The following PNO1 variants were observed in gnomAD, a reference collection of about 807,000 sequenced individuals.
The protein encoded by PNO1 is RNA-binding protein PNO1.
Under a neutral mutation model 28.4 loss-of-function variants are expected in PNO1, and 16 were observed. That is an observed-to-expected ratio of 0.56 (90% CI 0.38 to 0.85). The LOEUF (loss-of-function observed/expected upper bound fraction) is 0.85. Among genes scored for constraint, PNO1 ranks in the 40% least tolerant of loss-of-function variants. The pLI is 0.00. For missense variants in PNO1, 304 were observed against 312.2 expected (o/e 0.97, Z 0.20); for synonymous variants, 115 against 110.8 (o/e 1.04, Z -0.24).
chr2:68,174,588 A>T (rs1055324192), intron 6 of PNO1, 147 bp from the exon 7 acceptor site: 14 of 548,510 alleles, frequency 2.6e-5, no homozygotes, highest in Non-Finnish European at 4.3e-5. Flanking sequence ...GTTAATGTGC[A>T]TATTTTTTAT....
chr2:68,166,752 C>T (rs758218070), intron 5 of PNO1, among the ~76,000 whole-genome samples: 1 of 152,212 alleles, frequency 6.6e-6, no homozygotes, highest in Non-Finnish European at 1.5e-5. Context: ...TAATCAGAAA[C>T]CTTCTGCCAA....
chr2:68,173,576 ATTTTTTT>A (rs34874863), intron 6 of PNO1, among the ~76,000 whole-genome samples, 159 bp downstream of exon 6: 2 of 111,402 alleles, frequency 1.8e-5, no homozygotes, highest in South Asian at 3.1e-4. Flanking sequence ...AGGAAGTAGA[ATTTTTTT>A]TTTTTTTTTT....
chr2:68,162,561 G>A lies in PNO1; in HGVS notation c.518G>A (p.Gly173Glu). ...FEITDVKPLK[G>E]DHLSRAIGRI... The stretch of plus-strand genomic sequence containing the variant: ...TCTTGTTTAGTTAAACCCCTAAAGG[G>A]AGACCATCTATCCAGGGCAATAGGA... The change falls in exon 5 of 7, where the codon GGA becomes GAA. Residue 173 changes from glycine to glutamate, a missense_variant. By Grantham distance (98) the Gly-to-Glu change is moderately conservative (BLOSUM62 -2). Transcript: ENST00000263657. 6.2e-7 allele frequency: 1 copy of A among 1,612,864 alleles called. No individual in the cohort carries two copies. The highest frequency in any genetic ancestry group is 8.5e-7 in the Non-Finnish European group (1 of 1,178,856).
Position 68,162,237 on chromosome 2 carries a change from C to T in PNO1, c.442-28C>T. On this transcript the variant is annotated intron_variant, in intron 3 of 6. Transcript: ENST00000263657. ...TTTTCAGGTGTGCAAATGGAAGGGGCTTCACGGTGTTTGTTTTTATATTAT... is the reference window on the plus strand; with the variant it reads ...TTTTCAGGTGTGCAAATGGAAGGGGTTTCACGGTGTTTGTTTTTATATTAT... The T allele has an allele frequency of 1.9e-6, 3 of 1,563,664 alleles. No individual in the cohort carries two copies. The African/African-American group carries it at 4.1e-5, about 21-fold the overall frequency.
At chr2:68,160,520 G>A (rs917825807) in intron 2 of PNO1, among the ~76,000 whole-genome samples, 1 of 152,106 alleles carries the variant, frequency 6.6e-6, no homozygotes, top group African/African-American at 2.4e-5. Flanking sequence ...AACTTTTCAT[G>A]TGCTTTATTG....
rs543321844 is a variant in PNO1 at position 68,175,381 on chromosome 2, T to A, written c.*579T>A. 1.3e-5 allele frequency: 2 copies of A among 152,554 alleles called. No individual in the cohort carries two copies. Among genetic ancestry groups the A allele is most frequent in the South Asian group, 4.1e-4 (2 of 4,832 alleles). 9.5% of individuals were successfully genotyped at this position (152,554 alleles called of 1,614,324 possible). ...TTCAAGTGATCCTCCTGCTTCAGCC[T>A]CCCTAGTAGCTGGGACTACAGGTAT... On this transcript the variant is annotated 3_prime_UTR_variant, in exon 7 of 7. Transcript: ENST00000263657.
chr2:68,162,425 TTATATA>T (rs576350152), intron 4 of PNO1, 100 bp downstream of exon 4: 7 of 964,070 alleles, frequency 7.3e-6, no homozygotes, highest in Non-Finnish European at 1.1e-5. Flanking sequence ...TTTTAGCAAC[TTATATA>T]TATATATATA....
chr2:68,167,500 T>G (rs1674024510), intron 5 of PNO1, among the ~76,000 whole-genome samples: 1 of 152,208 alleles, frequency 6.6e-6, no homozygotes, highest in African/African-American at 2.4e-5. Context: ...TTAGCAGCTT[T>G]ATAGATAACG....
intron 2 of PNO1, among the ~76,000 whole-genome samples, chr2:68,159,254 A>ATGTG (rs71825244): frequency 2.1e-4 from 32 of 150,248 alleles, no homozygotes; most frequent in Admixed American, 8.0e-4. Flanking sequence ...ATGCATATAT[A>ATGTG]TGTGTGTGTG....
chr2:68,161,624 T>C (rs1423906521), intron 2 of PNO1, 59 bp from the exon 3 acceptor site: 1 of 1,028,922 alleles, frequency 9.7e-7, no homozygotes, highest in Admixed American at 1.8e-5. Context: ...AGTATTTTGT[T>C]AGGACATTTT....
In PNO1 at chr2:68,174,310, T is replaced by G. The variant is rs1347143448; in HGVS notation, c.692-425T>G. Reference sequence around the variant, plus strand: ...AAGGTTTTTTTTTTTTTTTTTTTTTTGTAATTTCCAATTAAAATGTCTCTG... The same window carrying G: ...AAGGTTTTTTTTTTTTTTTTTTTTTGGTAATTTCCAATTAAAATGTCTCTG... On this transcript the variant is annotated intron_variant, in intron 6 of 6. Transcript: ENST00000263657. 5.6e-5 allele frequency among the ~76,000 whole-genome samples: 5 copies of G among 89,402 alleles called. No homozygotes were observed. The East Asian group carries it at 1.6e-3, about 29-fold the overall frequency. 58.7% of individuals were successfully genotyped at this position (89,402 alleles called of 152,430 possible). A position where few individuals can be genotyped will look rare whatever the true frequency, so the allele number is the denominator to read the frequency against.
chr2:68,159,247 CAT>C (rs543167478), intron 2 of PNO1, among the ~76,000 whole-genome samples: 40 of 118,288 alleles, frequency 3.4e-4, no homozygotes, highest in Middle Eastern at 3.8e-3. Context: ...AAGAAACATG[CAT>C]ATATATGTGT....
In PNO1 at chr2:68,158,519, T is replaced by C; in HGVS notation, c.347T>C (p.Val116Ala). 2 of 1,612,670 alleles carry C rather than the reference T, an allele frequency of 1.2e-6. No individual in the cohort carries two copies. Among genetic ancestry groups the C allele is most frequent in the Non-Finnish European group, 1.7e-6 (2 of 1,179,428 alleles). The change falls in exon 2 of 7, where the codon GTA becomes GCA. Residue 116 changes from valine to alanine, a missense_variant. Physicochemically the swap from Val to Ala is moderately conservative, Grantham distance 64. Transcript: ENST00000263657. ...CGCTTTAACTTGAAATCAAGGAATG[T>C]AGAAATCAGGGTAAGGAAAATCTCA... ...QIRFNLKSRNVEIRTCKETKD... is the reference protein window; with the variant it reads ...QIRFNLKSRNAEIRTCKETKD...
intron 2 of PNO1, chr2:68,161,283 G>A (rs932580922): frequency 1.3e-5 from 6 of 472,272 alleles, no homozygotes; most frequent in African/African-American, 2.0e-5. Flanking sequence ...TAACTAAGAA[G>A]ATTAAGTCAG....
Position 68,162,411 on chromosome 2 carries a change from G to T in PNO1, c.502+86G>T, listed in dbSNP as rs17035059. 1,651 of 1,143,564 alleles carry T rather than the reference G, an allele frequency of 1.4e-3. 16 individuals carry two copies. In the African/African-American group the frequency reaches 0.024, roughly 16 times the overall value. The allele number at this position is 1,143,564 out of a possible 1,614,324, so 70.8% of individuals were successfully genotyped here. A position where few individuals can be genotyped will look rare whatever the true frequency, so the allele number is the denominator to read the frequency against. ...GTTTTCTAATAGCATCAATTGAGCT[G>T]TATTTTTAGCAACTTATATATATAT... On this transcript the variant is annotated intron_variant, in intron 4 of 6. Transcript: ENST00000263657.
chr2:68,164,667 C>T (rs1673928528), intron 5 of PNO1, among the ~76,000 whole-genome samples: 1 of 151,974 alleles, frequency 6.6e-6, no homozygotes, highest in African/African-American at 2.4e-5. Context: ...TGTGATTGTG[C>T]ACACCTGTAG....
At chr2:68,161,840 T>TAA (rs113134222) in intron 3 of PNO1, 74 bp downstream of exon 3, 620 of 811,590 alleles carry the variant, frequency 7.6e-4, no homozygotes, top group South Asian at 9.4e-4. Flanking sequence ...GATTAGGCAT[T>TAA]AAAAAAAAAA....
intron 2 of PNO1, chr2:68,161,376 AG>A (rs755895510): frequency 2.1e-4 from 97 of 463,712 alleles, no homozygotes; most frequent in South Asian, 1.6e-3. Flanking sequence ...GAGGTTCTTC[AG>A]AATGGGAGAG....
intron 2 of PNO1, among the ~76,000 whole-genome samples, chr2:68,159,534 C>T (rs969314998): frequency 6.6e-5 from 10 of 152,010 alleles, no homozygotes; most frequent in African/African-American, 2.4e-4. Context: ...TCTGTGCTAT[C>T]AATCCGGGAA....
Sources: allele counts gnomAD v4.1 joint callset (sites outside exome capture counted in the v4.1 genomes callset), GRCh38; gene constraint gnomAD v4.1.1; transcripts MANE v1.5; gene names NCBI Gene and HGNC (gene_info 2026-07-23, HGNC 2026-07-21).